Variants in GRID1 observed in about 807,000 individuals in gnomAD.
GRID1 encodes glutamate ionotropic receptor delta type subunit 1, also known as glutamate receptor ionotropic, delta-1.
Under a neutral mutation model 98.0 loss-of-function variants are expected in GRID1, and 28 were observed. The observed-to-expected ratio is 0.29, with a 90% CI of 0.21 to 0.39. The LOEUF (loss-of-function observed/expected upper bound fraction) is 0.39, where lower values mean the gene tolerates loss of function less well. Among genes scored for constraint, GRID1 ranks in the 10% least tolerant of loss-of-function variants. GRID1 has a pLI of 1.00. For missense variants in GRID1, 1,111 were observed against 1,340.5 expected, an observed-to-expected ratio of 0.83 and a Z score of 2.67; for synonymous variants, 553 against 538.5, an observed-to-expected ratio of 1.03 and a Z score of -0.37.
intron 6 of GRID1, among the ~76,000 whole-genome samples, chr10:85,865,942 T>TATATATATATATATACATAC (rs1199144734): frequency 1.1e-5 from 1 of 94,876 alleles, no homozygotes; most frequent in African/African-American, 4.0e-5. Flanking sequence ...TATATATATA[T>TATATATATATATATACATAC]ACACATATAT....
Position 85,620,097 on chromosome 10 carries a change from G to A in GRID1, c.2194-64C>T, listed in dbSNP as rs1248812922. 6.5e-6 allele frequency: 9 copies of A among 1,392,480 alleles called. 1 individual carries two copies. The highest frequency in any genetic ancestry group is 6.2e-5 in the South Asian group (5 of 81,262). The allele number at this position is 1,392,480 out of a possible 1,614,324, so 86.3% of individuals were successfully genotyped here. Reference sequence around the variant, plus strand: ...GCCAGCTGTGTCAGCTTTGATTGGTGAGCCATCTTGATGGTGGGATTTGAG... The same window carrying A: ...GCCAGCTGTGTCAGCTTTGATTGGTAAGCCATCTTGATGGTGGGATTTGAG... On this transcript the variant is annotated intron_variant, in intron 13 of 15. Coordinates refer to ENST00000327946, the MANE Select transcript of GRID1 (RefSeq NM_017551.3).
intron 6 of GRID1, among the ~76,000 whole-genome samples, chr10:85,866,212 G>A (rs1843219966): frequency 6.7e-6 from 1 of 148,832 alleles, no homozygotes; most frequent in Non-Finnish European, 1.5e-5. Flanking sequence ...CACAAAGCCT[G>A]TGATAAGGGG....
At chr10:86,209,465 C>T (rs1401252991) in intron 2 of GRID1, among the ~76,000 whole-genome samples, 2 of 152,150 alleles carry the variant, frequency 1.3e-5, no homozygotes, top group African/African-American at 2.4e-5. Context: ...CTGCCACAGA[C>T]ATGGGGAAAA....
intron 2 of GRID1, among the ~76,000 whole-genome samples, chr10:86,226,799 C>CA (rs777387670): frequency 2.6e-5 from 4 of 151,004 alleles, no homozygotes; most frequent in Middle Eastern, 3.5e-3. Flanking sequence ...TCCCCTCACC[C>CA]GCAGCCCCCT....
intron 4 of GRID1, among the ~76,000 whole-genome samples, chr10:85,922,726 G>T (rs916452894): frequency 5.3e-5 from 8 of 152,234 alleles, no homozygotes; most frequent in African/African-American, 1.9e-4. Flanking sequence ...CAAGGAAGGG[G>T]TGTAGCTAGC....
chr10:85,688,651 G>A (rs753318308), intron 12 of GRID1, among the ~76,000 whole-genome samples: 19 of 152,212 alleles, frequency 1.2e-4, no homozygotes, highest in African/African-American at 2.7e-4. Flanking sequence ...GATGGCAAAC[G>A]ATGTCCTGTG....
intron 3 of GRID1, among the ~76,000 whole-genome samples, chr10:86,171,095 A>G (rs1845479112): frequency 6.6e-6 from 1 of 152,188 alleles, no homozygotes. Flanking sequence ...TACCAGTTAC[A>G]TCAGAGCGTC....
chr10:85,892,754 C>T (rs182594420), intron 5 of GRID1, among the ~76,000 whole-genome samples: 135 of 152,082 alleles, frequency 8.9e-4, no homozygotes, highest in African/African-American at 2.9e-3. Flanking sequence ...ACCCAGATAA[C>T]GTCATTGGTG....
At chr10:85,928,661 C>T (rs983292820) in intron 4 of GRID1, among the ~76,000 whole-genome samples, 23 of 152,342 alleles carry the variant, frequency 1.5e-4, no homozygotes, top group Middle Eastern at 3.4e-3. Flanking sequence ...TTTCAAGCCC[C>T]AGGGATGTAT....
intron 8 of GRID1, among the ~76,000 whole-genome samples, chr10:85,743,104 A>C (rs1167806953): frequency 2.6e-5 from 2 of 76,068 alleles, no homozygotes; most frequent in African/African-American, 4.0e-5. Flanking sequence ...AGAATTATGC[A>C]GCCCCCCCCC....
intron 2 of GRID1, among the ~76,000 whole-genome samples, chr10:86,270,394 A>C (rs1203462370): frequency 6.6e-6 from 1 of 152,158 alleles, no homozygotes; most frequent in Non-Finnish European, 1.5e-5. Flanking sequence ...CTATTTAAAA[A>C]ATAATAATAA....
At chr10:85,640,019 C>A (rs1162109476) in intron 13 of GRID1, among the ~76,000 whole-genome samples, 1 of 152,180 alleles carries the variant, frequency 6.6e-6, no homozygotes, top group East Asian at 1.9e-4. Flanking sequence ...CTAATCTGGA[C>A]AGACCTTCCG....
At chr10:86,031,452 G>C (rs1843184642) in intron 4 of GRID1, among the ~76,000 whole-genome samples, 1 of 152,002 alleles carries the variant, frequency 6.6e-6, no homozygotes, top group East Asian at 1.9e-4. Flanking sequence ...ACTACCTATG[G>C]GGTACTATGT....
At chr10:86,113,003 C>T (rs1406315828) in intron 4 of GRID1, among the ~76,000 whole-genome samples, 1 of 152,198 alleles carries the variant, frequency 6.6e-6, no homozygotes, top group Non-Finnish European at 1.5e-5. Flanking sequence ...CCCTCAATGA[C>T]CCAGCCTTTG....
chr10:86,349,946 A>G (rs1848439908), intron 2 of GRID1, among the ~76,000 whole-genome samples: 1 of 152,248 alleles, frequency 6.6e-6, no homozygotes, highest in Non-Finnish European at 1.5e-5. Flanking sequence ...GGACGCCTAC[A>G]AAGAAGGAAA....
intron 12 of GRID1, among the ~76,000 whole-genome samples, chr10:85,652,764 C>G (rs1220394542): frequency 6.6e-6 from 1 of 152,170 alleles, no homozygotes; most frequent in Non-Finnish European, 1.5e-5. Flanking sequence ...CCAGCGCCCC[C>G]CAGCCTCTCT....
rs76238960 is a variant in GRID1 at position 85,837,597 on chromosome 10, C to G, written c.1233+16899G>C. On this transcript the variant is annotated intron_variant, in intron 8 of 15. Transcript: ENST00000327946. ...AGCAAGTTAGTGAATCCACCTTATA[C>G]TACAATCAAGTCCTCAGAGTCATCG... Among the ~76,000 whole-genome samples, 538 of 151,586 alleles carry G rather than the reference C, an allele frequency of 3.5e-3. 2 individuals carry two copies. The highest frequency in any genetic ancestry group is 0.012 in the African/African-American group (514 of 41,252).
chr10:86,095,592 C>A (rs980857767), intron 4 of GRID1, among the ~76,000 whole-genome samples: 1 of 152,088 alleles, frequency 6.6e-6, no homozygotes, highest in African/African-American at 2.4e-5. Flanking sequence ...AAATGGCCAA[C>A]AAACATATCA....
At chr10:86,362,367 G>A (rs190144762) in intron 2 of GRID1, among the ~76,000 whole-genome samples, 183 of 152,282 alleles carry the variant, frequency 1.2e-3, no homozygotes, top group African/African-American at 4.0e-3. Context: ...TCCAGAGGCA[G>A]GGGGTGTCTG....
Sources: allele counts gnomAD v4.1 joint callset (sites outside exome capture counted in the v4.1 genomes callset), GRCh38; gene constraint gnomAD v4.1.1; transcripts MANE v1.5; gene names NCBI Gene and HGNC (gene_info 2026-07-23, HGNC 2026-07-21).